CREB5: variants seen among roughly 807,000 people sequenced by gnomAD.
CREB5 encodes the protein cyclic AMP-responsive element-binding protein 5.
In CREB5, 19 loss-of-function variants were observed where a neutral mutation model predicts 57.1. The ratio of observed to expected loss-of-function variants is 0.33; its 90% CI spans 0.23 to 0.49. The LOEUF (loss-of-function observed/expected upper bound fraction) is 0.49. CREB5 is among the 20% of genes least tolerant of loss of function. The probability of loss-of-function intolerance (pLI) is 0.99; values close to 1 mark genes in which losing one functional copy is unlikely to be tolerated. For missense variants in CREB5, 579 were observed against 671.6 expected (o/e 0.86, Z 1.52); for synonymous variants, 238 against 238.3 (o/e 1.00, Z 0.01).
chr7:28,365,401 C>T (rs368742734), intron 1 of CREB5, among the ~76,000 whole-genome samples: 2 of 152,084 alleles, frequency 1.3e-5, no homozygotes, highest in African/African-American at 2.4e-5. Flanking sequence ...CCTTTGCTCC[C>T]GGAATTATCA....
chr7:28,720,097 G>C (rs1480422125), intron 6 of CREB5, among the ~76,000 whole-genome samples: 4 of 152,098 alleles, frequency 2.6e-5, no homozygotes, highest in Non-Finnish European at 4.4e-5. Context: ...GATAAACATA[G>C]AAGGGAGATA....
rs1329838431 is a variant in CREB5, at chr7:28,454,116, G to T, written c.4-34059G>T. 2.0e-5 allele frequency among the ~76,000 whole-genome samples: 3 copies of T among 151,980 alleles called. No homozygotes were observed. The South Asian group carries it at 6.2e-4, about 32-fold the overall frequency. ...CTACAGGCACTCGCCACCACACCTG[G>T]CTAATTTTTTGTATTTTTAGAAGAG... is the stretch of plus-strand genomic sequence containing the variant. On this transcript the variant is annotated intron_variant, in intron 1 of 10. Transcript: ENST00000357727.
At chr7:28,662,663 C>T (rs940289658) in intron 5 of CREB5, among the ~76,000 whole-genome samples, 5 of 152,290 alleles carry the variant, frequency 3.3e-5, no homozygotes, top group South Asian at 2.1e-4. Flanking sequence ...AAAGAGATGA[C>T]CTGTGAATAT....
chr7:28,790,456 GAGAGATAGAGAGAGAGAGAA>G (rs1376843748), intron 7 of CREB5, among the ~76,000 whole-genome samples: 149 of 34,858 alleles, frequency 4.3e-3, no homozygotes, highest in African/African-American at 0.014. Flanking sequence ...GAGAGAGAGA[GAGAGATAGAGAGAGAGAGAA>G]AGAAAGAAAG....
chr7:28,553,573 C>T (rs997844154), intron 4 of CREB5, among the ~76,000 whole-genome samples: 1 of 152,136 alleles, frequency 6.6e-6, no homozygotes, highest in East Asian at 1.9e-4. Context: ...GTATATGAAA[C>T]CATAGAGGCA....
intron 1 of CREB5, among the ~76,000 whole-genome samples, chr7:28,444,200 G>T (rs1453054972): frequency 6.6e-6 from 1 of 152,046 alleles, no homozygotes; most frequent in African/African-American, 2.4e-5. Context: ...CTAGTTTGTG[G>T]GAGTCCCCTT....
chr7:28,618,799 T>C (rs751023684), intron 5 of CREB5, among the ~76,000 whole-genome samples: 20 of 152,172 alleles, frequency 1.3e-4, no homozygotes, highest in Non-Finnish European at 2.6e-4. Flanking sequence ...AGGCTAGCAA[T>C]CTGAATATAA....
chr7:28,496,963 A>G (rs77798509), intron 3 of CREB5, among the ~76,000 whole-genome samples: 1,739 of 152,352 alleles, frequency 0.011, 23 homozygotes, highest in African/African-American at 0.039. Context: ...TATAGAGTCA[A>G]TGTAGTATAA....
chr7:28,772,487 G>A (rs1806382535), intron 7 of CREB5, among the ~76,000 whole-genome samples: 1 of 152,152 alleles, frequency 6.6e-6, no homozygotes, highest in South Asian at 2.1e-4. Context: ...GAAGAGCGGT[G>A]GGAGAAGGCG....
At chr7:28,578,424 A>G (rs897670068) in intron 5 of CREB5, among the ~76,000 whole-genome samples, 2 of 152,246 alleles carry the variant, frequency 1.3e-5, no homozygotes, top group Non-Finnish European at 1.5e-5. Flanking sequence ...AATGATTAGT[A>G]TGTGCAGTGC....
intron 1 of CREB5, among the ~76,000 whole-genome samples, chr7:28,329,506 G>A (rs1478480505): frequency 6.6e-6 from 1 of 152,176 alleles, no homozygotes; most frequent in Non-Finnish European, 1.5e-5. Context: ...AATTCAAATT[G>A]TAAACATTCC....
At chr7:28,813,699 T>C (rs894039956) in intron 9 of CREB5, among the ~76,000 whole-genome samples, 2 of 152,154 alleles carry the variant, frequency 1.3e-5, no homozygotes, top group African/African-American at 4.8e-5. Flanking sequence ...ACTGCAAATG[T>C]AGCTATTAGG....
intron 1 of CREB5, among the ~76,000 whole-genome samples, chr7:28,413,655 T>G (rs1787905136): frequency 6.6e-6 from 1 of 152,190 alleles, no homozygotes. Context: ...TGACCTTATA[T>G]AGTTGATACC....
At chr7:28,658,975 A>ATATATATATATATATATATATATATG (rs1799474773) in intron 5 of CREB5, among the ~76,000 whole-genome samples, 2 of 137,710 alleles carry the variant, frequency 1.5e-5, no homozygotes, top group African/African-American at 5.5e-5. Flanking sequence ...ATATATATAT[A>ATATATATATATATATATATATATATG]TATATGTATA....
intron 1 of CREB5, among the ~76,000 whole-genome samples, chr7:28,323,634 C>T (rs1785529001): frequency 6.6e-6 from 1 of 152,152 alleles, no homozygotes; most frequent in African/African-American, 2.4e-5. Context: ...CCTACTCTGT[C>T]TAGGGCAGTG....
intron 5 of CREB5, among the ~76,000 whole-genome samples, chr7:28,634,840 T>C (rs1798348650): frequency 6.6e-6 from 1 of 152,228 alleles, no homozygotes; most frequent in Non-Finnish European, 1.5e-5. Context: ...TGTATTTTTA[T>C]GTTTTATACA....
intron 7 of CREB5, among the ~76,000 whole-genome samples, chr7:28,763,810 A>ATTTTTTT (rs111457525): frequency 6.7e-6 from 1 of 149,032 alleles, no homozygotes; most frequent in Non-Finnish European, 1.5e-5. Context: ...TATTATTATT[A>ATTTTTTT]TTTTTTTTTG....
intron 6 of CREB5, among the ~76,000 whole-genome samples, chr7:28,720,601 C>A (rs1802977380): frequency 6.6e-6 from 1 of 152,128 alleles, no homozygotes; most frequent in African/African-American, 2.4e-5. Context: ...ACTTGCCCAC[C>A]CTAAATACTG....
At chr7:28,560,835 T>TGTGTGCGCGCGTGCGTGCGC (rs1795093904) in intron 4 of CREB5, among the ~76,000 whole-genome samples, 1 of 59,746 alleles carries the variant, frequency 1.7e-5, no homozygotes, top group Non-Finnish European at 4.1e-5. Flanking sequence ...CGCGCGCGCG[T>TGTGTGCGCGCGTGCGTGCGC]GTGTGTGTGC....
Sources: gnomAD v4.1 joint callset for allele counts (sites outside exome capture counted in the v4.1 genomes callset) on GRCh38, gnomAD v4.1.1 for gene constraint, MANE v1.5 for transcripts, NCBI Gene and HGNC (gene_info 2026-07-23, HGNC 2026-07-21) for gene names.